The following WHRN variants were observed in gnomAD, a reference collection of about 807,000 sequenced individuals.
WHRN encodes CASK-interacting protein CIP98.
WHRN carries 41 observed loss-of-function variants against 68.3 expected under a neutral mutation model. That is an observed-to-expected ratio of 0.60 (90% CI 0.47 to 0.78). The LOEUF is 0.78. WHRN is among the 30% of genes least tolerant of loss of function. The pLI is 0.00. For missense variants in WHRN, 1,243 were observed against 1,244.7 expected (o/e 1.00, Z 0.02); for synonymous variants, 560 against 561.3 (o/e 1.00, Z 0.03).
intron 3 of WHRN, among the ~76,000 whole-genome samples, chr9:114,460,066 C>A (rs1208620505): frequency 2.6e-5 from 4 of 152,192 alleles, no homozygotes; most frequent in African/African-American, 9.6e-5. Context: ...GCTCCCACCC[C>A]TGGGGAAACT....
chr9:114,447,981 A>G (rs1352182237), intron 3 of WHRN, among the ~76,000 whole-genome samples: 1 of 152,136 alleles, frequency 6.6e-6, no homozygotes, highest in Non-Finnish European at 1.5e-5. Flanking sequence ...TTTTCCAAAA[A>G]TGGCCACAGC....
At chr9:114,462,322 A>G (rs1379465879) in intron 3 of WHRN, among the ~76,000 whole-genome samples, 3 of 152,028 alleles carry the variant, frequency 2.0e-5, no homozygotes, top group African/African-American at 7.2e-5. Flanking sequence ...ACTCATTCAA[A>G]ATTTTTGCTC....
chr9:114,498,813 C>T (rs1843679668), intron 1 of WHRN, among the ~76,000 whole-genome samples: 1 of 152,150 alleles, frequency 6.6e-6, no homozygotes, highest in South Asian at 2.1e-4. Flanking sequence ...CCTTAAGCTC[C>T]CCAGTTCCAT....
rs777482909 is a variant in WHRN, at chr9:114,472,584, T to C, written c.837+5969A>G. On this transcript the variant is annotated intron_variant, in intron 2 of 11. Coordinates refer to ENST00000362057, the MANE Select transcript of WHRN (RefSeq NM_015404.4). ...GGTTCTCCCTCATTTTACAATAGACTGTATATTATTTCTTTTCATGCCCGT... is the reference window on the plus strand; with the variant it reads ...GGTTCTCCCTCATTTTACAATAGACCGTATATTATTTCTTTTCATGCCCGT... Among the ~76,000 whole-genome samples, 6 of 152,242 alleles carry C rather than the reference T, an allele frequency of 3.9e-5. No individual in the cohort carries two copies. In the East Asian group the frequency reaches 1.2e-3, roughly 29 times the overall value.
intron 3 of WHRN, among the ~76,000 whole-genome samples, chr9:114,439,863 G>C (rs924076526): frequency 1.3e-5 from 2 of 152,216 alleles, no homozygotes; most frequent in Non-Finnish European, 1.5e-5. Flanking sequence ...CATAAAATAT[G>C]TGTAGATAGT....
chr9:114,468,380 TG>T (rs763071564), intron 2 of WHRN, among the ~76,000 whole-genome samples: 9 of 152,082 alleles, frequency 5.9e-5, no homozygotes, highest in Non-Finnish European at 1.2e-4. Flanking sequence ...TGCCCACCTC[TG>T]GAACTCTGAA....
rs576495883 is a variant in WHRN at position 114,448,017 on chromosome 9, T to A, written c.963+18250A>T. ...AATATTTCGAGTTTCATGTGCCCCCTAGGGCCCTGTCATGCCATCACAGAG... is the reference window on the plus strand; with the variant it reads ...AATATTTCGAGTTTCATGTGCCCCCAAGGGCCCTGTCATGCCATCACAGAG... On this transcript the variant is annotated intron_variant, in intron 3 of 11. Transcript: ENST00000362057. Among the ~76,000 whole-genome samples the A allele has an allele frequency of 2.0e-5, 3 of 152,208 alleles. No individual in the cohort carries two copies. The East Asian group carries it at 5.8e-4, about 29-fold the overall frequency.
At chr9:114,495,574 G>C (rs1843384833) in intron 1 of WHRN, among the ~76,000 whole-genome samples, 1 of 152,192 alleles carries the variant, frequency 6.6e-6, no homozygotes, top group Middle Eastern at 3.2e-3. Context: ...TACACTAAAA[G>C]GAGGCACAGA....
intron 3 of WHRN, among the ~76,000 whole-genome samples, chr9:114,455,660 G>A (rs1403322004): frequency 6.7e-6 from 1 of 149,680 alleles, no homozygotes; most frequent in Non-Finnish European, 1.5e-5. Context: ...GCTCCAGTAA[G>A]CTATGATCAT....
intron 1 of WHRN, among the ~76,000 whole-genome samples, chr9:114,489,494 A>G (rs1020493889): frequency 1.7e-5 from 2 of 117,874 alleles, no homozygotes; most frequent in African/African-American, 6.7e-5. Context: ...ACACACGTAC[A>G]CACACACACG....
chr9:114,490,789 T>A (rs1282771968), intron 1 of WHRN, among the ~76,000 whole-genome samples: 1 of 152,204 alleles, frequency 6.6e-6, no homozygotes, highest in Non-Finnish European at 1.5e-5. Flanking sequence ...AATCCTGACC[T>A]TGGGAATAAT....
intron 1 of WHRN, among the ~76,000 whole-genome samples, chr9:114,485,533 A>G (rs1360807648): frequency 6.6e-6 from 1 of 151,610 alleles, no homozygotes; most frequent in East Asian, 2.0e-4. Context: ...TCTACTAAAA[A>G]TACAAAAAAT....
chr9:114,465,279 T>C (rs939855443), intron 3 of WHRN, among the ~76,000 whole-genome samples: 12 of 152,244 alleles, frequency 7.9e-5, no homozygotes, highest in African/African-American at 2.9e-4. Context: ...TCTCCTGATA[T>C]TAGGGCATGC....
chr9:114,428,931 CTTT>C (rs5900087), intron 3 of WHRN, among the ~76,000 whole-genome samples: 4 of 146,346 alleles, frequency 2.7e-5, no homozygotes, highest in Admixed American at 6.8e-5. Flanking sequence ...AGATTAATTT[CTTT>C]TTTTTTTTTT....
chr9:114,428,797 A>G (rs558538105), intron 3 of WHRN, among the ~76,000 whole-genome samples: 1 of 151,776 alleles, frequency 6.6e-6, no homozygotes, highest in South Asian at 2.1e-4. Flanking sequence ...CAGATCCTTC[A>G]GCAAATCCCG....
At chr9:114,475,527 G>A (rs1278109251) in intron 2 of WHRN, among the ~76,000 whole-genome samples, 1 of 152,196 alleles carries the variant, frequency 6.6e-6, no homozygotes, top group South Asian at 2.1e-4. Flanking sequence ...ACCAGCTCCA[G>A]GGGATGGCAT....
At position 114,415,821 on chromosome 9, in the gene WHRN, C is replaced by T. The variant is rs545786345; in HGVS notation, c.1626+7493G>A. 3.9e-5 allele frequency among the ~76,000 whole-genome samples: 6 copies of T among 152,146 alleles called. No homozygotes were observed. In the South Asian group the frequency reaches 8.3e-4, roughly 21 times the overall value. ...TCTTACCCCGCTCATGGATGGAGAA[C>T]GATTCTCTAAACCATCCAGGTTGGA... On this transcript the variant is annotated intron_variant, in intron 7 of 11. Transcript: ENST00000362057.
intron 2 of WHRN, among the ~76,000 whole-genome samples, chr9:114,473,759 G>A (rs966872925): frequency 2.0e-5 from 3 of 152,260 alleles, no homozygotes; most frequent in Admixed American, 6.5e-5. Context: ...AGCAGGAGAC[G>A]CAGGCCGCCT....
At chr9:114,443,516 CCTT>C (rs1838560878) in intron 3 of WHRN, among the ~76,000 whole-genome samples, 4 of 152,236 alleles carry the variant, frequency 2.6e-5, no homozygotes, top group Middle Eastern at 3.2e-3. Context: ...CTGGTTCCCT[CCTT>C]CTGATTCCCA....
Sources: allele counts gnomAD v4.1 joint callset (sites outside exome capture counted in the v4.1 genomes callset), GRCh38; gene constraint gnomAD v4.1.1; transcripts MANE v1.5; gene names NCBI Gene and HGNC (gene_info 2026-07-23, HGNC 2026-07-21).